The following KCNN2 variants were observed in gnomAD, a reference collection of about 807,000 sequenced individuals.
KCNN2 encodes the protein small conductance calcium-activated potassium channel protein 2.
In KCNN2, 24 loss-of-function variants were observed where a neutral mutation model predicts 55.5. The observed-to-expected ratio is 0.43, with a 90% CI of 0.31 to 0.61. The LOEUF is 0.61. KCNN2 is among the 20% of genes least tolerant of loss of function. KCNN2 has a pLI of 0.08. For missense variants in KCNN2, 754 were observed against 853.6 expected, an observed-to-expected ratio of 0.88 and a Z score of 1.45; for synonymous variants, 431 against 336.1, an observed-to-expected ratio of 1.28 and a Z score of -3.09.
intron 5 of KCNN2, among the ~76,000 whole-genome samples, chr5:114,473,748 C>G (rs779325767): frequency 6.6e-6 from 1 of 152,130 alleles, no homozygotes; most frequent in Non-Finnish European, 1.5e-5. Context: ...ACTTTCTGTG[C>G]CAGGCACTGT....
At chr5:114,119,507 G>A (rs184143081) in intron 1 of KCNN2, among the ~76,000 whole-genome samples, 3 of 152,034 alleles carry the variant, frequency 2.0e-5, no homozygotes, top group African/African-American at 7.2e-5. Context: ...TTTAACCACC[G>A]TTATTTGGCA....
chr5:114,391,500 G>A (rs983272836), intron 2 of KCNN2, among the ~76,000 whole-genome samples: 3 of 152,024 alleles, frequency 2.0e-5, no homozygotes, highest in African/African-American at 7.2e-5. Flanking sequence ...GCTCCAAAAT[G>A]TTGTGTGTGT....
chr5:114,218,894 T>C (rs555461415), intron 1 of KCNN2, among the ~76,000 whole-genome samples: 68 of 152,288 alleles, frequency 4.5e-4, no homozygotes, highest in African/African-American at 1.5e-3. Flanking sequence ...TCATGGGACT[T>C]GTGGCATGGT....
intron 3 of KCNN2, among the ~76,000 whole-genome samples, chr5:114,428,749 C>T (rs115655022): frequency 0.028 from 4,270 of 152,144 alleles, 193 homozygotes; most frequent in African/African-American, 0.097. Flanking sequence ...CCATAATCCC[C>T]TGGCAATCAC....
At chr5:114,154,981 AC>A (rs1402306388) in intron 1 of KCNN2, among the ~76,000 whole-genome samples, 1 of 151,984 alleles carries the variant, frequency 6.6e-6, no homozygotes, top group African/African-American at 2.4e-5. Context: ...TTATTTCATC[AC>A]CCAGGTATTA....
intron 2 of KCNN2, among the ~76,000 whole-genome samples, chr5:114,226,989 T>C (rs1159165863): frequency 2.6e-5 from 4 of 152,048 alleles, no homozygotes; most frequent in Admixed American, 1.3e-4. Flanking sequence ...ATTTTTTTCA[T>C]GTAGTGGATT....
intron 1 of KCNN2, among the ~76,000 whole-genome samples, chr5:114,186,276 G>A (rs978727099): frequency 1.6e-4 from 24 of 152,066 alleles, no homozygotes; most frequent in African/African-American, 1.4e-4. Context: ...GGCAATCCCC[G>A]TAAATCTAGA....
intron 1 of KCNN2, among the ~76,000 whole-genome samples, chr5:114,085,812 T>TA (rs1751004122): frequency 6.6e-6 from 1 of 152,098 alleles, no homozygotes; most frequent in African/African-American, 2.4e-5. Flanking sequence ...CATCAGTTAC[T>TA]AAAAAAGAAT....
intron 2 of KCNN2, among the ~76,000 whole-genome samples, chr5:114,279,224 A>T (rs535001148): frequency 6.6e-6 from 1 of 152,168 alleles, no homozygotes; most frequent in Admixed American, 6.5e-5. Context: ...ACCCAATTAG[A>T]AATACCTTCA....
chr5:114,361,904 C>T (rs1026300004), upstream of KCNN2: 2 of 153,294 alleles, frequency 1.3e-5, no homozygotes, highest in African/African-American at 4.8e-5. Context: ...CCCCATCTTT[C>T]TCTGCCACAC....
chr5:114,181,020 C>G (rs1056518715), intron 1 of KCNN2, among the ~76,000 whole-genome samples: 23 of 152,092 alleles, frequency 1.5e-4, no homozygotes, highest in African/African-American at 5.3e-4. Context: ...TTATGTTTAT[C>G]TAATTTCTTA....
At chr5:114,439,412 C>G (rs1760128885) in intron 3 of KCNN2, among the ~76,000 whole-genome samples, 1 of 152,128 alleles carries the variant, frequency 6.6e-6, no homozygotes, top group African/African-American at 2.4e-5. Context: ...ACAGTTCTTA[C>G]TAAGGATCAG....
intron 3 of KCNN2, among the ~76,000 whole-genome samples, chr5:114,432,375 A>G (rs1271602392): frequency 6.6e-6 from 1 of 152,244 alleles, no homozygotes; most frequent in East Asian, 1.9e-4. Flanking sequence ...TTTGTCTGAA[A>G]TTAATATAGC....
At chr5:114,391,564 A>G (rs1218626398) in intron 2 of KCNN2, among the ~76,000 whole-genome samples, 1 of 152,146 alleles carries the variant, frequency 6.6e-6, no homozygotes, top group East Asian at 1.9e-4. Context: ...TTGATATTTA[A>G]AAGGCATGAA....
intron 3 of KCNN2, among the ~76,000 whole-genome samples, chr5:114,457,699 A>G (rs1278816267): frequency 6.6e-6 from 1 of 151,908 alleles, no homozygotes; most frequent in Non-Finnish European, 1.5e-5. Context: ...CTCCTTTTTG[A>G]TTTTTGCCCT....
intron 1 of KCNN2, among the ~76,000 whole-genome samples, chr5:114,101,626 T>A (rs1441710408): frequency 6.6e-6 from 1 of 151,512 alleles, no homozygotes; most frequent in Non-Finnish European, 1.5e-5. Flanking sequence ...GACGTTCAGC[T>A]CCTTGTGCCC....
At chr5:114,417,572 A>G (rs1759343917) in intron 3 of KCNN2, among the ~76,000 whole-genome samples, 1 of 152,142 alleles carries the variant, frequency 6.6e-6, no homozygotes, top group Non-Finnish European at 1.5e-5. Flanking sequence ...AGCCCTACCA[A>G]GGTCACTGGC....
chr5:114,420,615 A>G (rs1292661616), intron 3 of KCNN2, among the ~76,000 whole-genome samples: 5 of 152,240 alleles, frequency 3.3e-5, no homozygotes, highest in African/African-American at 4.8e-5. Context: ...AACAACGTTC[A>G]TTCCTTAGAA....
intron 5 of KCNN2, among the ~76,000 whole-genome samples, chr5:114,484,298 G>A (rs1481424295): frequency 2.0e-5 from 3 of 152,030 alleles, no homozygotes; most frequent in African/African-American, 7.2e-5. Context: ...CTTGACTGAG[G>A]ATACAAAGGA....
Sources: allele counts gnomAD v4.1 joint callset (sites outside exome capture counted in the v4.1 genomes callset), GRCh38; gene constraint gnomAD v4.1.1; transcripts MANE v1.5; gene names NCBI Gene and HGNC (gene_info 2026-07-23, HGNC 2026-07-21).